ENAH: variants seen among roughly 807,000 people sequenced by gnomAD.
The protein encoded by ENAH is ENAH actin regulator.
ENAH carries 23 observed loss-of-function variants against 78.7 expected under a neutral mutation model. That is an observed-to-expected ratio of 0.29 (90% CI 0.21 to 0.41). The LOEUF is 0.41. Among genes scored for constraint, ENAH ranks in the 10% least tolerant of loss-of-function variants. The pLI is 1.00. For synonymous variants in ENAH, 226 were observed against 241.0 expected (o/e 0.94, Z 0.58); for missense variants, 544 against 691.0 (o/e 0.79, Z 2.39).
At chr1:225,572,051 A>G (rs914816592) in intron 1 of ENAH, among the ~76,000 whole-genome samples, 3 of 152,154 alleles carry the variant, frequency 2.0e-5, no homozygotes, top group Non-Finnish European at 4.4e-5. Flanking sequence ...AGATGTGGGT[A>G]GCCTGGGCAC....
At chr1:225,639,520 A>G (rs1329996427) in intron 1 of ENAH, among the ~76,000 whole-genome samples, 1 of 152,044 alleles carries the variant, frequency 6.6e-6, no homozygotes, top group Admixed American at 6.6e-5. Flanking sequence ...TTGAGCATAC[A>G]CCATCTTGCT....
At chr1:225,586,757 G>C (rs1206591965) in intron 1 of ENAH, among the ~76,000 whole-genome samples, 1 of 152,110 alleles carries the variant, frequency 6.6e-6, no homozygotes, top group Admixed American at 6.6e-5. Flanking sequence ...CGAGCATGGT[G>C]GCTCACCCGT....
chr1:225,516,549 G>C (rs2096418588), intron 6 of ENAH, among the ~76,000 whole-genome samples: 1 of 152,170 alleles, frequency 6.6e-6, no homozygotes, highest in Non-Finnish European at 1.5e-5. Context: ...TTGTGTGGTA[G>C]ATCAACGTGT....
At chr1:225,650,805 G>A (rs1033334626) in intron 1 of ENAH, among the ~76,000 whole-genome samples, 8 of 132,182 alleles carry the variant, frequency 6.1e-5, no homozygotes, top group Non-Finnish European at 9.2e-5. Flanking sequence ...AGCCGAGACC[G>A]CGCCACTGCA....
intron 1 of ENAH, among the ~76,000 whole-genome samples, chr1:225,584,131 C>T (rs2840961): frequency 3.9e-5 from 6 of 152,142 alleles, no homozygotes; most frequent in Middle Eastern, 3.4e-3. Context: ...CAAGCCTGGG[C>T]GACAGAGCAA....
At position 225,518,042 on chromosome 1, in the gene ENAH, G is replaced by A. The variant is rs1225679272; in HGVS notation, c.803-736C>T. The stretch of plus-strand genomic sequence containing the variant: ...AAAAGACAGGATAAAAAAGGAGAGA[G>A]AAAAAGGGAGCTAGTGAAGCCACAA... On this transcript the variant is annotated intron_variant, in intron 5 of 13. Coordinates refer to ENST00000366843, the MANE Select transcript of ENAH (RefSeq NM_018212.6). 8.9e-6 allele frequency: 13 copies of A among 1,458,340 alleles called. No individual in the cohort carries two copies. In the Admixed American group the frequency reaches 9.3e-5, roughly 10 times the overall value. The allele number at this position is 1,458,340 out of a possible 1,614,324, so 90.3% of individuals were successfully genotyped here. A position where few individuals can be genotyped will look rare whatever the true frequency, so the allele number is the denominator to read the frequency against.
At chr1:225,615,700 G>A (rs185077088) in intron 1 of ENAH, among the ~76,000 whole-genome samples, 6,371 of 147,996 alleles carry the variant, frequency 0.043, 207 homozygotes, top group South Asian at 0.11. Flanking sequence ...CCGCGACCCC[G>A]TCTGGGAACT....
rs1303013129 is a variant in ENAH at position 225,496,427 on chromosome 1, C to G, written c.*1348G>C. The G allele has an allele frequency of 6.6e-6, 1 of 152,200 alleles. No individual in the cohort carries two copies. The highest frequency in any genetic ancestry group is 1.5e-5 in the Non-Finnish European group (1 of 68,030). The allele number at this position is 152,200 out of a possible 1,614,324, so 9.4% of individuals were successfully genotyped here. ...TCCTTTACCTAATGATTTCTGTGAC[C>G]TTAATTGCTGCCATCATTGTTATTT... On this transcript the variant is annotated 3_prime_UTR_variant, in exon 14 of 14. Coordinates refer to ENST00000366843, the MANE Select transcript of ENAH (RefSeq NM_018212.6).
chr1:225,500,831 T>C (rs2096278076), intron 12 of ENAH, among the ~76,000 whole-genome samples, 161 bp downstream of exon 12: 1 of 151,498 alleles, frequency 6.6e-6, no homozygotes, highest in South Asian at 2.1e-4. Flanking sequence ...AAGTGTAGAT[T>C]TGCAAAAATG....
At chr1:225,521,373 T>G (rs2096466725) in intron 4 of ENAH, among the ~76,000 whole-genome samples, 2 of 152,162 alleles carry the variant, frequency 1.3e-5, no homozygotes, top group Admixed American at 1.3e-4. Flanking sequence ...AAAAAAGTTA[T>G]CTTTGCCAGG....
At chr1:225,535,628 T>G in intron 3 of ENAH, 1 of 911,806 alleles carries the variant, frequency 1.1e-6, no homozygotes, top group Non-Finnish European at 1.6e-6. Context: ...GAACTTCACA[T>G]AAACTAAAAG....
chr1:225,575,030 A>T (rs574663653), intron 1 of ENAH, among the ~76,000 whole-genome samples: 27 of 152,326 alleles, frequency 1.8e-4, no homozygotes, highest in Non-Finnish European at 2.5e-4. Flanking sequence ...TACTGTGTTA[A>T]GCACTAGACG....
At chr1:225,517,175 T>C (rs1247691557) in intron 6 of ENAH, 21 bp downstream of exon 6, 3 of 1,483,662 alleles carry the variant, frequency 2.0e-6, no homozygotes, top group African/African-American at 1.4e-5. Flanking sequence ...TAGCTGTTAG[T>C]AGCAATAATG....
chr1:225,517,813 G>A, intron 5 of ENAH: 1 of 1,551,386 alleles, frequency 6.4e-7, no homozygotes, highest in Non-Finnish European at 8.7e-7. Context: ...GTGTCGCAGT[G>A]GTGGTGTAGG....
At chr1:225,576,467 T>C (rs984462863) in intron 1 of ENAH, among the ~76,000 whole-genome samples, 9 of 152,154 alleles carry the variant, frequency 5.9e-5, no homozygotes, top group African/African-American at 2.2e-4. Context: ...AAAAAGATCA[T>C]ACAAGTCTAA....
intron 3 of ENAH, among the ~76,000 whole-genome samples, chr1:225,550,370 G>A (rs2096635666): frequency 6.6e-6 from 1 of 152,146 alleles, no homozygotes; most frequent in Admixed American, 6.6e-5. Flanking sequence ...TCAGGCAAGG[G>A]ACAGGCTTTA....
At chr1:225,556,591 T>C (rs927127593) in intron 2 of ENAH, among the ~76,000 whole-genome samples, 1 of 152,202 alleles carries the variant, frequency 6.6e-6, no homozygotes, top group Admixed American at 6.5e-5. Context: ...ATGATATCAT[T>C]GTTGGTTATC....
rs934714375 is a variant in ENAH at position 225,621,191 on chromosome 1, A to G, written c.5+31495T>C. Among the ~76,000 whole-genome samples, 9 of 152,204 alleles carry G rather than the reference A, an allele frequency of 5.9e-5. 1 individual carries two copies. The highest frequency in any genetic ancestry group is 1.2e-4 in the Non-Finnish European group (8 of 68,006). The stretch of plus-strand genomic sequence containing the variant: ...TGACAATGCTATCATCCTATTACCA[A>G]ATTCCAGAACCTTGGTGTGACCTTT... On this transcript the variant is annotated intron_variant, in intron 1 of 13. Transcript: ENST00000366843.
intron 1 of ENAH, among the ~76,000 whole-genome samples, chr1:225,574,157 C>T (rs2096776567): frequency 6.6e-6 from 1 of 152,136 alleles, no homozygotes; most frequent in Non-Finnish European, 1.5e-5. Flanking sequence ...ATTTATTGGG[C>T]TATGTCTACA....
Sources: allele counts gnomAD v4.1 joint callset (sites outside exome capture counted in the v4.1 genomes callset), GRCh38; gene constraint gnomAD v4.1.1; transcripts MANE v1.5; gene names NCBI Gene and HGNC (gene_info 2026-07-23, HGNC 2026-07-21).